The following NLK variants were observed in gnomAD, a reference collection of about 807,000 sequenced individuals.
The protein encoded by NLK is serine/threonine-protein kinase NLK.
NLK carries 11 observed loss-of-function variants against 59.0 expected under a neutral mutation model. The ratio of observed to expected loss-of-function variants is 0.19; its 90% confidence interval spans 0.12 to 0.31. NLK has a LOEUF of 0.31. Ranked by LOEUF, NLK falls within the 10% of genes least tolerant of loss-of-function variation. The pLI is 1.00. For missense variants in NLK, 410 were observed against 661.1 expected (o/e 0.62, Z 4.16); for synonymous variants, 235 against 235.9 (o/e 1.00, Z 0.03).
At chr17:28,166,059 AC>A (rs1457190335) in intron 5 of NLK, among the ~76,000 whole-genome samples, 1 of 152,196 alleles carries the variant, frequency 6.6e-6, no homozygotes, top group East Asian at 1.9e-4. Context: ...TACTAAAAAT[AC>A]AAAAATTAGC....
At chr17:28,139,769 T>C (rs990506752) in intron 3 of NLK, among the ~76,000 whole-genome samples, 1 of 152,212 alleles carries the variant, frequency 6.6e-6, no homozygotes, top group African/African-American at 2.4e-5. Context: ...AGCTGTGATT[T>C]GAACCCATAT....
intron 1 of NLK, among the ~76,000 whole-genome samples, chr17:28,081,607 C>A (rs1426104983): frequency 6.6e-6 from 1 of 152,122 alleles, no homozygotes; most frequent in African/African-American, 2.4e-5. Flanking sequence ...TGACTAAAAG[C>A]TGACCTTTGA....
At chr17:28,188,818 C>T (rs1909210544) in intron 8 of NLK, among the ~76,000 whole-genome samples, 1 of 152,060 alleles carries the variant, frequency 6.6e-6, no homozygotes, top group Non-Finnish European at 1.5e-5. Flanking sequence ...TTTATTTAGT[C>T]CATTTAGTCT....
At chr17:28,136,544 A>G (rs1906753974) in intron 3 of NLK, among the ~76,000 whole-genome samples, 1 of 152,190 alleles carries the variant, frequency 6.6e-6, no homozygotes, top group Non-Finnish European at 1.5e-5. Flanking sequence ...AGTTACATAT[A>G]TGTTCTGCCT....
At chr17:28,105,325 G>A (rs2142795376) in intron 1 of NLK, among the ~76,000 whole-genome samples, 1 of 152,218 alleles carries the variant, frequency 6.6e-6, no homozygotes, top group African/African-American at 2.4e-5. Flanking sequence ...TCTCTAACAT[G>A]GCTAATGAAC....
chr17:28,104,781 TC>T (rs1385313847), intron 1 of NLK, among the ~76,000 whole-genome samples: 14 of 152,174 alleles, frequency 9.2e-5, no homozygotes, highest in Admixed American at 2.0e-4. Flanking sequence ...ATTGAAGTGT[TC>T]TTACATGGAA....
At chr17:28,101,155 C>G (rs951366865) in intron 1 of NLK, among the ~76,000 whole-genome samples, 2 of 152,118 alleles carry the variant, frequency 1.3e-5, no homozygotes, top group African/African-American at 4.8e-5. Context: ...TATCATTATG[C>G]CAGTACCACC....
At position 28,182,674 on chromosome 17, in the gene NLK, A is replaced by G. The variant is rs146545119; in HGVS notation, c.1150-2505A>G. Among the ~76,000 whole-genome samples the G allele has an allele frequency of 1.8e-3, 280 of 152,308 alleles. 1 individual carries two copies. The highest frequency in any genetic ancestry group is 6.3e-3 in the African/African-American group (263 of 41,576). ...CTGAGATGGTCAAATTCTCCCAAAC[A>G]TAAGCCAGACTGCCTTCCCCCACCA... On this transcript the variant is annotated intron_variant, in intron 7 of 10. Coordinates refer to ENST00000407008, the MANE Select transcript of NLK (RefSeq NM_016231.5).
intron 8 of NLK, among the ~76,000 whole-genome samples, chr17:28,186,231 A>G (rs1909111194): frequency 6.6e-6 from 1 of 152,254 alleles, no homozygotes; most frequent in Non-Finnish European, 1.5e-5. Flanking sequence ...CAACTTTCTC[A>G]GAAGATATCA....
At chr17:28,094,294 T>G (rs1191627645) in intron 1 of NLK, among the ~76,000 whole-genome samples, 1 of 152,206 alleles carries the variant, frequency 6.6e-6, no homozygotes, top group Non-Finnish European at 1.5e-5. Flanking sequence ...GTTTGAGAGA[T>G]GATGTCAGAT....
At chr17:28,090,007 A>AGAAGTTT (rs1425716079) in intron 1 of NLK, among the ~76,000 whole-genome samples, 1 of 152,160 alleles carries the variant, frequency 6.6e-6, no homozygotes, top group African/African-American at 2.4e-5. Flanking sequence ...TCTTTGTAAC[A>AGAAGTTT]GTGTCTTTTG....
chr17:28,070,426 C>A (rs1033023011), intron 1 of NLK, among the ~76,000 whole-genome samples: 1 of 145,296 alleles, frequency 6.9e-6, no homozygotes, highest in Non-Finnish European at 1.5e-5. Context: ...GCGATCTCGG[C>A]TCACTGCAGC....
chr17:28,143,300 C>T (rs1907092140), intron 3 of NLK, among the ~76,000 whole-genome samples: 1 of 152,036 alleles, frequency 6.6e-6, no homozygotes, highest in Non-Finnish European at 1.5e-5. Context: ...CCTCGGCCTC[C>T]CAAAGTGCTG....
chr17:28,084,587 G>T (rs1410410557), intron 1 of NLK, among the ~76,000 whole-genome samples: 1 of 151,130 alleles, frequency 6.6e-6, no homozygotes, highest in African/African-American at 2.4e-5. Flanking sequence ...TTTTCGAGAT[G>T]GAGTCTTGCT....
chr17:28,181,951 G>A (rs750421880), intron 7 of NLK, among the ~76,000 whole-genome samples: 3 of 151,836 alleles, frequency 2.0e-5, no homozygotes, highest in Non-Finnish European at 2.9e-5. Flanking sequence ...TGGAGGCTGC[G>A]GTGAGCTGAG....
chr17:28,185,307 A>C, intron 8 of NLK, 42 bp downstream of exon 8: 1 of 1,204,642 alleles, frequency 8.3e-7, no homozygotes, highest in Non-Finnish European at 1.2e-6. Context: ...TGAATTACAA[A>C]TACATGTGTT....
intron 1 of NLK, among the ~76,000 whole-genome samples, chr17:28,057,062 C>T (rs974325987): frequency 6.8e-6 from 1 of 146,754 alleles, no homozygotes; most frequent in Non-Finnish European, 1.5e-5. Flanking sequence ...TCAAGCGATT[C>T]TCCTGCCTCA....
chr17:28,136,703 A>G (rs1026966863), intron 3 of NLK, among the ~76,000 whole-genome samples: 8 of 152,116 alleles, frequency 5.3e-5, no homozygotes. Flanking sequence ...TCCTAGGTTC[A>G]AGAGATTCTC....
At chr17:28,084,902 G>A (rs1910461879) in intron 1 of NLK, among the ~76,000 whole-genome samples, 1 of 152,166 alleles carries the variant, frequency 6.6e-6, no homozygotes. Context: ...ATTGTTCCAT[G>A]CTGCGCAAAA....
Sources: allele counts gnomAD v4.1 joint callset (sites outside exome capture counted in the v4.1 genomes callset), GRCh38; gene constraint gnomAD v4.1.1; transcripts MANE v1.5; gene names NCBI Gene and HGNC (gene_info 2026-07-23, HGNC 2026-07-21).